ZNF687: variants seen among roughly 807,000 people sequenced by gnomAD.
The protein encoded by ZNF687 is zinc finger protein 687.
A neutral mutation model predicts 71.8 loss-of-function variants in ZNF687; 13 were observed. The ratio of observed to expected loss-of-function variants is 0.18; its 90% CI spans 0.12 to 0.29. The LOEUF is 0.29. Among genes scored for constraint, ZNF687 ranks in the 10% least tolerant of loss-of-function variants. The pLI is 1.00. For missense variants in ZNF687, 1,412 were observed against 1,625.6 expected, an observed-to-expected ratio of 0.87 and a Z score of 2.26; for synonymous variants, 673 against 641.6, an observed-to-expected ratio of 1.05 and a Z score of -0.74.
In ZNF687 at chr1:151,287,480, A is replaced by G. The variant is rs1441135296; in HGVS notation, c.1189A>G (p.Lys397Glu). 3 of 1,614,164 alleles carry G rather than the reference A, an allele frequency of 1.9e-6. No individual in the cohort carries two copies. The highest frequency in any genetic ancestry group is 1.6e-4 in the Middle Eastern group (1 of 6,062). The change falls in exon 2 of 9, where the codon AAA becomes GAA. Residue 397 changes from lysine (K) to glutamate (E), a missense_variant. By Grantham distance (56) the Lys-to-Glu change is moderately conservative. Around this residue, in one of 8 missense-constraint regions of ZNF687, gnomAD observed 133 missense variants for 155.1 expected, o/e 0.86. Coordinates refer to ENST00000336715, the MANE Select transcript of ZNF687 (RefSeq NM_020832.3). This position sits in a 1 kb window ranked among gnomAD's most constrained non-coding sequence, Gnocchi z 5.0. The part of the protein sequence containing the change: ...SVQLGDGTRL[K>E]GTVLPVATIQ... ...ACAGTTGGGTGATGGTACAAGGCTG[A>G]AAGGCACTGTGCTGCCTGTGGCCAC...
chr1:151,284,131 G>A lies in ZNF687; in HGVS notation c.-18+1736G>A, dbSNP rs143633026. 6.5e-4 allele frequency: 640 copies of A among 985,402 alleles called. No individual in the cohort carries two copies. The African/African-American group carries it at 0.011, about 16-fold the overall frequency. The allele number at this position is 985,402 out of a possible 1,614,324, so 61.0% of individuals were successfully genotyped here. ...AGGTGAAACTTCCTGGGCTACTGTT[G>A]CCACAGGAAAATGGAAAGGGTGAGG... On this transcript the variant is annotated intron_variant, in intron 1 of 8. Transcript: ENST00000336715.
upstream of ZNF687, chr1:151,281,881 A>C (rs1159009286): frequency 1.9e-6 from 1 of 530,374 alleles, no homozygotes; most frequent in Non-Finnish European, 3.1e-6. Flanking sequence ...GGTTCCTTAC[A>C]TTCGCGAAAG....
At chr1:151,282,637 C>T (rs936215333) in intron 1 of ZNF687, among the ~76,000 whole-genome samples, 2 of 152,216 alleles carry the variant, frequency 1.3e-5, no homozygotes, top group South Asian at 4.1e-4. Flanking sequence ...ACCCCAGGTC[C>T]TGGCGCCCCC....
intron 1 of ZNF687, among the ~76,000 whole-genome samples, chr1:151,283,586 T>C: frequency 6.6e-6 from 1 of 151,562 alleles, no homozygotes; most frequent in East Asian, 1.9e-4. Context: ...TGGGGGCGGG[T>C]GAGTTCGCAG....
At position 151,288,076 on chromosome 1, in the gene ZNF687, A is replaced by C; in HGVS notation, c.1785A>C (p.Ser595=). The C allele has an allele frequency of 6.2e-7, 1 of 1,613,994 alleles. No individual in the cohort carries two copies. Among genetic ancestry groups the C allele is most frequent in the South Asian group, 1.1e-5 (1 of 91,088 alleles). The change falls in exon 2 of 9, where the codon TCA becomes TCC. Residue 595 remains serine (S), a synonymous_variant. Coordinates refer to ENST00000336715, the MANE Select transcript of ZNF687 (RefSeq NM_020832.3). ...ACAAGGGGCTCGTCATGCAGTGCTC[A>C]CATTTGGTCATGAGGCCTGTAGCCC... ...HKDKGLVMQC[S]HLVMRPVALD...
rs192078842 is a variant in ZNF687, at chr1:151,291,828, G to A, written c.*619G>A. On this transcript the variant is annotated 3_prime_UTR_variant, in exon 9 of 9. Coordinates refer to ENST00000336715, the MANE Select transcript of ZNF687 (RefSeq NM_020832.3). ...CTCTCAGGAATCCTTTATTCTTGTA[G>A]TAATAATAATACTAACAAACAGTTG... 1 of 152,656 alleles carries A rather than the reference G, an allele frequency of 6.6e-6. No homozygotes were observed. Among genetic ancestry groups the A allele is most frequent in the East Asian group, 1.9e-4 (1 of 5,186 alleles). The allele number at this position is 152,656 out of a possible 1,614,324, so 9.5% of individuals were successfully genotyped here.
chr1:151,282,316 G>T lies in ZNF687; in HGVS notation c.-97G>T. 1.0e-6 allele frequency: 1 copy of T among 1,000,648 alleles called. No homozygotes were observed. The highest frequency in any genetic ancestry group is 1.2e-6 in the Non-Finnish European group (1 of 837,098). 62.0% of individuals were successfully genotyped at this position (1,000,648 alleles called of 1,614,324 possible). A position where few individuals can be genotyped will look rare whatever the true frequency, so the allele number is the denominator to read the frequency against. Reference sequence around the variant, plus strand: ...AGAGAAGCAGGAAGTAGCGGCGGCCGCGGGGAGGGCGGCGGTGGCTGCAGC... The same window carrying T: ...AGAGAAGCAGGAAGTAGCGGCGGCCTCGGGGAGGGCGGCGGTGGCTGCAGC... On this transcript the variant is annotated 5_prime_UTR_variant, in exon 1 of 9. Transcript: ENST00000336715.
chr1:151,287,165 G>T lies in ZNF687; in HGVS notation c.874G>T (p.Gly292Trp). The T allele has an allele frequency of 6.2e-7, 1 of 1,614,128 alleles. No homozygotes were observed. Among genetic ancestry groups the T allele is most frequent in the South Asian group, 1.1e-5 (1 of 91,082 alleles). Reference sequence around the variant, plus strand: ...CTTGAAGGAAGAAGATGATGATGAGGGGCCAGTGGACAAGTCTTCCCCAGG... The same window carrying T: ...CTTGAAGGAAGAAGATGATGATGAGTGGCCAGTGGACAAGTCTTCCCCAGG... ...QPLKEEDDDE[G>W]PVDKSSPGSP... is the part of the protein sequence containing the mutation. The change falls in exon 2 of 9, where the codon GGG becomes TGG. Residue 292 changes from glycine (G) to tryptophan (W), a missense_variant. Physicochemically the swap from Gly to Trp is radical, Grantham distance 184. This residue lies in a region of ZNF687 where 490 missense variants were observed against 489.9 expected (regional missense o/e 1.00). Coordinates refer to ENST00000336715, the MANE Select transcript of ZNF687 (RefSeq NM_020832.3). This position sits in a 1 kb window ranked among gnomAD's most constrained non-coding sequence, Gnocchi z 5.0.
In ZNF687 at chr1:151,288,668, G is replaced by C; in HGVS notation, c.2256G>C (p.Arg752=). The C allele has an allele frequency of 6.2e-7, 1 of 1,614,016 alleles. No individual in the cohort carries two copies. The highest frequency in any genetic ancestry group is 8.5e-7 in the Non-Finnish European group (1 of 1,179,944). Residue 752 remains arginine (R), a synonymous_variant, in exon 3 of 9, where the codon CGG becomes CGC. Coordinates refer to ENST00000336715, the MANE Select transcript of ZNF687 (RefSeq NM_020832.3). ...FLQANFQTHL[R]EACLHVSRRV... ...AAGCCAATTTTCAGACCCATCTCCG[G>C]GAGGCCTGTCTGCACGTCTCTCGCC...
chr1:151,290,028 G>T, intron 6 of ZNF687, 21 bp downstream of exon 6: 1 of 1,597,466 alleles, frequency 6.3e-7, no homozygotes. Context: ...CCCAAGGGGA[G>T]TACCATGGGC....
Position 151,291,511 on chromosome 1 carries a change from T to G in ZNF687, c.*302T>G. The stretch of plus-strand genomic sequence containing the variant: ...GGCCTGGGGGTGGGAGGATGGGACT[T>G]AGGTATGCCTGCTAGACAGGTTCAG... On this transcript the variant is annotated 3_prime_UTR_variant, in exon 9 of 9. Coordinates refer to ENST00000336715, the MANE Select transcript of ZNF687 (RefSeq NM_020832.3). The G allele has an allele frequency of 2.9e-6, 1 of 340,058 alleles. No homozygotes were observed. The highest frequency in any genetic ancestry group is 5.5e-6 in the Non-Finnish European group (1 of 181,798). 21.1% of individuals were successfully genotyped at this position (340,058 alleles called of 1,614,324 possible). A position where few individuals can be genotyped will look rare whatever the true frequency, so the allele number is the denominator to read the frequency against.
At position 151,287,175 on chromosome 1, in the gene ZNF687, A is replaced by G; in HGVS notation, c.884A>G (p.Asp295Gly). 1 of 1,614,162 alleles carries G rather than the reference A, an allele frequency of 6.2e-7. No homozygotes were observed. The highest frequency in any genetic ancestry group is 8.5e-7 in the Non-Finnish European group (1 of 1,180,024). The change falls in exon 2 of 9, where the codon GAC becomes GGC. Residue 295 changes from aspartate to glycine, a missense_variant. Asp to Gly is a moderately conservative substitution (Grantham distance 94, BLOSUM62 -1). This residue lies in a region of ZNF687 where 490 missense variants were observed against 489.9 expected (regional missense o/e 1.00). Coordinates refer to ENST00000336715, the MANE Select transcript of ZNF687 (RefSeq NM_020832.3). This position sits in a 1 kb window ranked among gnomAD's most constrained non-coding sequence, Gnocchi z 5.0. ...GAAGATGATGATGAGGGGCCAGTGG[A>G]CAAGTCTTCCCCAGGAAGTCCCCAG... ...KEEDDDEGPV[D>G]KSSPGSPQSP...
Position 151,287,355 on chromosome 1 carries a change from C to T in ZNF687, c.1064C>T (p.Pro355Leu). 1.9e-6 allele frequency: 3 copies of T among 1,614,190 alleles called. No individual in the cohort carries two copies. Among genetic ancestry groups the T allele is most frequent in the South Asian group, 2.2e-5 (2 of 91,080 alleles). Residue 355 changes from proline (P) to leucine (L), a missense_variant, in exon 2 of 9, where the codon CCA becomes CTA. This residue lies in a region of ZNF687 where 490 missense variants were observed against 489.9 expected (regional missense o/e 1.00). Transcript: ENST00000336715. This position sits in a 1 kb window ranked among gnomAD's most constrained non-coding sequence, Gnocchi z 5.0. ...TVTQVPSDPD[P>L]PAPLAEGAFL... ...ACTCAGGTCCCCTCAGATCCTGATCCACCTGCCCCCTTGGCTGAGGGGGCC... is the reference window on the plus strand; with the variant it reads ...ACTCAGGTCCCCTCAGATCCTGATCTACCTGCCCCCTTGGCTGAGGGGGCC...
At chr1:151,283,101 C>T (rs913257451) in intron 1 of ZNF687, 8 of 985,352 alleles carry the variant, frequency 8.1e-6, no homozygotes, top group African/African-American at 1.7e-5. Context: ...TCGCTTCGCA[C>T]GCCGGTGCGA....
At chr1:151,282,172 G>GC (rs1693737412), upstream of ZNF687, 1 of 1,142,786 alleles carries the variant, frequency 8.8e-7, no homozygotes, top group Admixed American at 3.6e-5. Flanking sequence ...CCAACCCAGT[G>GC]CGGGGCTGGA....
rs758543455 is a variant in ZNF687 at position 151,287,939 on chromosome 1, C to T, written c.1648C>T (p.Arg550Trp). Residue 550 changes from arginine (R) to tryptophan (W), a missense_variant, in exon 2 of 9, where the codon CGG (arginine) becomes TGG (tryptophan). By Grantham distance (101) the Arg-to-Trp change is moderately radical. Around this residue, in one of 8 missense-constraint regions of ZNF687, gnomAD observed 50 missense variants for 106.6 expected, o/e 0.47. Coordinates refer to ENST00000336715, the MANE Select transcript of ZNF687 (RefSeq NM_020832.3). This position sits in a 1 kb window ranked among gnomAD's most constrained non-coding sequence, Gnocchi z 5.0. Reference protein sequence around the residue: ...DAFSLEKSLARHYDRRSMRIE... With the variant: ...DAFSLEKSLAWHYDRRSMRIE... ...CTTCTCATTGGAGAAGAGCCTGGCA[C>T]GGCACTATGACCGTCGGAGCATGCG... is the stretch of plus-strand genomic sequence containing the variant. 11 of 1,613,676 alleles carry T rather than the reference C, an allele frequency of 6.8e-6. No individual in the cohort carries two copies. The highest frequency in any genetic ancestry group is 3.3e-5 in the Admixed American group (2 of 60,004).
At position 151,286,866 on chromosome 1, in the gene ZNF687, C is replaced by T. The variant is rs761570375; in HGVS notation, c.575C>T (p.Pro192Leu). 32 of 1,613,270 alleles carry T rather than the reference C, an allele frequency of 2.0e-5. No homozygotes were observed. Among genetic ancestry groups the T allele is most frequent in the African/African-American group, 1.7e-4 (13 of 74,916 alleles). Residue 192 changes from proline (P) to leucine (L), a missense_variant, in exon 2 of 9, where the codon CCG becomes CTG. Physicochemically the swap from Pro to Leu is moderately conservative, Grantham distance 98 (BLOSUM62 -3). Coordinates refer to ENST00000336715, the MANE Select transcript of ZNF687 (RefSeq NM_020832.3). The part of the protein sequence containing the change: ...PSPTREGALT[P>L]PPFPSSFELA... ...CCCACTCGGGAGGGGGCTCTGACCC[C>T]GCCTCCTTTCCCCTCTTCCTTTGAG...
intron 1 of ZNF687, chr1:151,284,075 TTTA>T: frequency 1.0e-6 from 1 of 985,392 alleles, no homozygotes; most frequent in Non-Finnish European, 1.2e-6. Flanking sequence ...GATTTTTAAT[TTTA>T]TTTTTTGCAC....
At position 151,291,033 on chromosome 1, in the gene ZNF687, C is replaced by T; in HGVS notation, c.3538C>T (p.Pro1180Ser). Reference protein sequence around the residue: ...LGLGDGEEEAPPSRSDPDGGD... With the variant: ...LGLGDGEEEASPSRSDPDGGD... ...GCTGGGGGATGGGGAGGAAGAGGCC[C>T]CTCCATCAAGGTCTGACCCCGATGG... Residue 1180 changes from proline (P) to serine (S), a missense_variant, in exon 9 of 9, where the codon CCT (proline) becomes TCT (serine). Pro to Ser is a moderately conservative substitution (Grantham distance 74). Transcript: ENST00000336715. 1 of 1,613,850 alleles carries T rather than the reference C, an allele frequency of 6.2e-7. No individual in the cohort carries two copies. The highest frequency in any genetic ancestry group is 1.6e-4 in the Middle Eastern group (1 of 6,062).
Sources: allele counts gnomAD v4.1 joint callset (sites outside exome capture counted in the v4.1 genomes callset), GRCh38; gene constraint gnomAD v4.1.1; regional missense constraint gnomAD v4.1.1; non-coding constraint Gnocchi (gnomAD v3.1); transcripts MANE v1.5; gene names NCBI Gene and HGNC (gene_info 2026-07-23, HGNC 2026-07-21).